The following ZBTB40 variants were observed in gnomAD, a reference collection of about 807,000 sequenced individuals.
The protein encoded by ZBTB40 is zinc finger and BTB domain-containing protein 40.
ZBTB40 carries 60 observed loss-of-function variants against 117.5 expected under a neutral mutation model. The observed-to-expected ratio is 0.51, with a 90% CI of 0.41 to 0.63. The LOEUF is 0.63. Among genes scored for constraint, ZBTB40 ranks in the 30% least tolerant of loss-of-function variants. ZBTB40 has a pLI of 0.00. For synonymous variants in ZBTB40, 525 were observed against 577.1 expected (o/e 0.91, Z 1.29); for missense variants, 1,287 against 1,498.5 (o/e 0.86, Z 2.33).
chr1:22,473,296 T>C (rs1641456934), intron 1 of ZBTB40, among the ~76,000 whole-genome samples: 1 of 152,138 alleles, frequency 6.6e-6, no homozygotes, highest in Admixed American at 6.5e-5. Context: ...TGTGAGAAAC[T>C]GTTCTAGTGG....
chr1:22,475,776 C>T (rs1641537550), intron 1 of ZBTB40, among the ~76,000 whole-genome samples: 1 of 152,188 alleles, frequency 6.6e-6, no homozygotes, highest in Non-Finnish European at 1.5e-5. Flanking sequence ...TCTTGTTTTA[C>T]TTACCTTTCC....
At chr1:22,435,752 T>C (rs1218411400) in intron 1 of ZBTB40, among the ~76,000 whole-genome samples, 2 of 152,214 alleles carry the variant, frequency 1.3e-5, no homozygotes, top group African/African-American at 4.8e-5. Context: ...TTTTGAATGA[T>C]ACCTTATGAA....
chr1:22,509,075 A>T, intron 8 of ZBTB40, 25 bp from the exon 9 acceptor site: 1 of 1,614,090 alleles, frequency 6.2e-7, no homozygotes, highest in Non-Finnish European at 8.5e-7. Flanking sequence ...TTGCCTAATG[A>T]GTTTTTGATC....
chr1:22,508,837 C>A, intron 8 of ZBTB40, 106 bp downstream of exon 8: 1 of 1,241,554 alleles, frequency 8.1e-7, no homozygotes, highest in African/African-American at 1.5e-5. Context: ...TACATCCCTA[C>A]TATTAGAAGT....
At chr1:22,438,170 A>G (rs1418094983) in intron 1 of ZBTB40, among the ~76,000 whole-genome samples, 1 of 152,026 alleles carries the variant, frequency 6.6e-6, no homozygotes, top group Non-Finnish European at 1.5e-5. Flanking sequence ...CCCATTAAAC[A>G]ATAACTCCCC....
At chr1:22,465,048 G>C (rs1641220999) in intron 1 of ZBTB40, among the ~76,000 whole-genome samples, 1 of 152,190 alleles carries the variant, frequency 6.6e-6, no homozygotes, top group Non-Finnish European at 1.5e-5. Context: ...GCAGACAAGT[G>C]AAGGGTGAAG....
chr1:22,502,357 G>A lies in ZBTB40; in HGVS notation c.1083G>A (p.Leu361=). ...TGTTACTAGAACACAAAGAGGACCT[G>A]ATACAGTGTGTAACACAGCTGAGAC... ...SVLLLEHKED[L]IQCVTQLRPI... Residue 361 remains leucine, a synonymous_variant, in exon 5 of 18, where the codon CTG becomes CTA. Transcript: ENST00000375647. 2.5e-6 allele frequency: 4 copies of A among 1,614,074 alleles called. No homozygotes were observed. Among genetic ancestry groups the A allele is most frequent in the Non-Finnish European group, 2.5e-6 (3 of 1,179,970 alleles).
chr1:22,509,119 C>A lies in ZBTB40; in HGVS notation c.1719C>A (p.Ala573=). 6.2e-7 allele frequency: 1 copy of A among 1,614,028 alleles called. No individual in the cohort carries two copies. Among genetic ancestry groups the A allele is most frequent in the Non-Finnish European group, 8.5e-7 (1 of 1,180,024 alleles). The change falls in exon 9 of 18, where the codon GCC becomes GCA. Residue 573 remains alanine, a synonymous_variant. Coordinates refer to ENST00000375647, the MANE Select transcript of ZBTB40 (RefSeq NM_014870.4). The part of the protein sequence containing the change: ...FFRAVTTPEH[A]TLETILRHNQ... Reference sequence around the variant, plus strand: ...TTTCAGTGACCACCCCAGAACATGCCACTTTAGAAACAATCCTGAGGCATA... The same window carrying A: ...TTTCAGTGACCACCCCAGAACATGCAACTTTAGAAACAATCCTGAGGCATA...
At chr1:22,464,856 CT>C (rs34118965) in intron 1 of ZBTB40, among the ~76,000 whole-genome samples, 43,693 of 151,984 alleles carry the variant, frequency 0.29, 7,694 homozygotes, top group East Asian at 0.46. Context: ...CTTCAAGTGC[CT>C]TTTTTTCCCC....
chr1:22,513,093 C>G lies in ZBTB40; in HGVS notation c.2631C>G (p.Ser877=), dbSNP rs367920690. 1 of 1,614,014 alleles carries G rather than the reference C, an allele frequency of 6.2e-7. No homozygotes were observed. The highest frequency in any genetic ancestry group is 1.3e-5 in the African/African-American group (1 of 74,918). ...GCCTCATGACCTTCACCCAGGCCTC[C>G]GCCCTGGCCTATCACACCAAGAAGA... ...KHCLMTFTQA[S]ALAYHTKKKH... Residue 877 remains serine, a synonymous_variant, in exon 12 of 18, where the codon TCC becomes TCG. Coordinates refer to ENST00000375647, the MANE Select transcript of ZBTB40 (RefSeq NM_014870.4). This position sits in a 1 kb window ranked among gnomAD's most constrained non-coding sequence, Gnocchi z 4.9.
chr1:22,489,908 G>T lies in ZBTB40; in HGVS notation c.-41G>T, dbSNP rs201893318. 9 of 1,593,088 alleles carry T rather than the reference G, an allele frequency of 5.6e-6. No individual in the cohort carries two copies. The highest frequency in any genetic ancestry group is 7.7e-6 in the Non-Finnish European group (9 of 1,170,656). On this transcript the variant is annotated 5_prime_UTR_variant, in exon 2 of 18. An upstream open reading frame in the 5' UTR gains an earlier in-frame stop. Coordinates refer to ENST00000375647, the MANE Select transcript of ZBTB40 (RefSeq NM_014870.4). Reference sequence around the variant, plus strand: ...CTGTCCTCCCAAAGCCAACTCTAAGGAGAGGAGAGGAAGAGCAGTTCTTGG... The same window carrying T: ...CTGTCCTCCCAAAGCCAACTCTAAGTAGAGGAGAGGAAGAGCAGTTCTTGG...
chr1:22,463,262 A>G (rs572055343), intron 1 of ZBTB40, among the ~76,000 whole-genome samples: 1 of 152,280 alleles, frequency 6.6e-6, no homozygotes, highest in South Asian at 2.1e-4. Flanking sequence ...CGCTGGCATC[A>G]CAGTGCCTGG....
At chr1:22,450,649 G>A (rs1640850210), upstream of ZBTB40, among the ~76,000 whole-genome samples, 1 of 152,144 alleles carries the variant, frequency 6.6e-6, no homozygotes, top group Admixed American at 6.5e-5. Flanking sequence ...GAACAGAACC[G>A]TTTGAAGTTT....
upstream of ZBTB40, among the ~76,000 whole-genome samples, chr1:22,451,002 T>C (rs551960296): frequency 1.3e-5 from 2 of 152,286 alleles, no homozygotes; most frequent in East Asian, 3.9e-4. Flanking sequence ...TGGATCTGAT[T>C]TAAATGTTTG....
At chr1:22,507,857 T>C (rs1396512789) in intron 6 of ZBTB40, 144 bp from the exon 7 acceptor site, 2 of 1,159,316 alleles carry the variant, frequency 1.7e-6, no homozygotes, top group Non-Finnish European at 2.5e-6. Context: ...AACATATGTG[T>C]ATGAGGCCCC....
chr1:22,508,375 C>G (rs963558707), intron 7 of ZBTB40, among the ~76,000 whole-genome samples, 155 bp from the exon 8 acceptor site: 1 of 152,098 alleles, frequency 6.6e-6, no homozygotes, highest in Admixed American at 6.5e-5. Flanking sequence ...AGAACTTTGT[C>G]ATGTATAAGA....
intron 1 of ZBTB40, chr1:22,452,719 T>C (rs1640910919): frequency 6.6e-6 from 1 of 152,370 alleles, no homozygotes; most frequent in South Asian, 2.1e-4. Context: ...GTCATTCAGC[T>C]ATTCCTCTCG....
chr1:22,509,138 A>G lies in ZBTB40; in HGVS notation c.1738A>G (p.Arg580Gly). The G allele has an allele frequency of 5.6e-6, 9 of 1,614,060 alleles. No homozygotes were observed. The highest frequency in any genetic ancestry group is 6.8e-6 in the Non-Finnish European group (8 of 1,180,022). Residue 580 changes from arginine (R) to glycine (G), a missense_variant, in exon 9 of 18, where the codon AGG (arginine) becomes GGG (glycine). Coordinates refer to ENST00000375647, the MANE Select transcript of ZBTB40 (RefSeq NM_014870.4). Reference protein sequence around the residue: ...PEHATLETILRHNQLILEAIQ... With the variant: ...PEHATLETILGHNQLILEAIQ... ...ACATGCCACTTTAGAAACAATCCTG[A>G]GGCATAACCAGTTGATCTTGGAGGC...
intron 1 of ZBTB40, among the ~76,000 whole-genome samples, chr1:22,463,019 T>C (rs1171141030): frequency 2.0e-5 from 3 of 152,218 alleles, no homozygotes; most frequent in Non-Finnish European, 2.9e-5. Context: ...TTAACAGTGT[T>C]ACAGGAACTG....
Sources: allele counts gnomAD v4.1 joint callset (sites outside exome capture counted in the v4.1 genomes callset), GRCh38; gene constraint gnomAD v4.1.1; non-coding constraint Gnocchi (gnomAD v3.1); transcripts MANE v1.5; gene names NCBI Gene and HGNC (gene_info 2026-07-23, HGNC 2026-07-21).